FOXJ3: variants seen among roughly 807,000 people sequenced by gnomAD.
The protein encoded by FOXJ3 is forkhead box protein J3.
FOXJ3 carries 22 observed loss-of-function variants against 76.1 expected under a neutral mutation model. The ratio of observed to expected loss-of-function variants is 0.29; its 90% CI spans 0.21 to 0.41. The LOEUF (loss-of-function observed/expected upper bound fraction) is 0.41, where lower values mean the gene tolerates loss of function less well. Ranked by LOEUF, FOXJ3 falls within the 10% of genes least tolerant of loss-of-function variation. FOXJ3 has a pLI of 1.00. For missense variants in FOXJ3, 613 were observed against 762.1 expected (o/e 0.80, Z 2.30); for synonymous variants, 269 against 261.2 (o/e 1.03, Z -0.29).
Position 42,177,262 on chromosome 1 carries a change from A to G in FOXJ3, c.*2448T>C, listed in dbSNP as rs1338414392. On this transcript the variant is annotated 3_prime_UTR_variant, in exon 13 of 13. Transcript: ENST00000361346. ...CTCCATGGCCATTCTTGCTAAGTTT[A>G]AATTCTCATAAAAATATTCATCACT... 2 of 152,662 alleles carry G rather than the reference A, an allele frequency of 1.3e-5. No homozygotes were observed. Among genetic ancestry groups the G allele is most frequent in the African/African-American group, 4.8e-5 (2 of 41,460 alleles). 9.5% of individuals were successfully genotyped at this position (152,662 alleles called of 1,614,324 possible).
At chr1:42,215,387 G>A (rs754283523) in intron 5 of FOXJ3, among the ~76,000 whole-genome samples, 4 of 151,872 alleles carry the variant, frequency 2.6e-5, no homozygotes, top group Non-Finnish European at 4.4e-5. Context: ...AATAAGTAAA[G>A]AATCAGTAAA....
intron 1 of FOXJ3, 145 bp downstream of exon 1, chr1:42,334,914 C>A (rs895654506): frequency 1.3e-5 from 2 of 152,278 alleles, no homozygotes; most frequent in African/African-American, 2.4e-5. Context: ...CCTGCCCCAC[C>A]CGCCGCCCAC....
chr1:42,312,931 C>T (rs1211713043), intron 1 of FOXJ3, among the ~76,000 whole-genome samples: 1 of 152,178 alleles, frequency 6.6e-6, no homozygotes, highest in Middle Eastern at 3.2e-3. Context: ...ACTTTTTTAA[C>T]CACAGCACTT....
chr1:42,194,036 G>C (rs978164248), intron 8 of FOXJ3, among the ~76,000 whole-genome samples: 1 of 152,132 alleles, frequency 6.6e-6, no homozygotes, highest in Non-Finnish European at 1.5e-5. Flanking sequence ...CTGGTTCCTT[G>C]ATCTTGAACT....
chr1:42,317,972 CTG>C (rs1655220109), intron 1 of FOXJ3, among the ~76,000 whole-genome samples: 1 of 152,146 alleles, frequency 6.6e-6, no homozygotes, highest in South Asian at 2.1e-4. Flanking sequence ...GTTTCATTCT[CTG>C]TTATATTCCC....
intron 2 of FOXJ3, among the ~76,000 whole-genome samples, chr1:42,304,674 G>A (rs2124741512): frequency 6.6e-6 from 1 of 152,212 alleles, no homozygotes; most frequent in South Asian, 2.1e-4. Flanking sequence ...CAAGGTGCTG[G>A]GAAAACTGGA....
intron 1 of FOXJ3, 53 bp from the exon 2 acceptor site, chr1:42,311,163 T>C (rs868443752): frequency 8.9e-7 from 1 of 1,118,878 alleles, no homozygotes; most frequent in Non-Finnish European, 1.3e-6. Context: ...AATTAAACCA[T>C]AAGTCTCACT....
chr1:42,270,486 A>T (rs1192322521), intron 3 of FOXJ3, among the ~76,000 whole-genome samples: 1 of 152,202 alleles, frequency 6.6e-6, no homozygotes, highest in Non-Finnish European at 1.5e-5. Context: ...GAATGTAAAA[A>T]CACTGAGATA....
chr1:42,218,618 T>C (rs2124405058), intron 5 of FOXJ3, among the ~76,000 whole-genome samples: 1 of 152,334 alleles, frequency 6.6e-6, no homozygotes, highest in Middle Eastern at 3.4e-3. Flanking sequence ...AACTGATCTT[T>C]TGCCCTTGTT....
At chr1:42,208,176 C>T (rs1398627108) in intron 5 of FOXJ3, among the ~76,000 whole-genome samples, 4 of 152,232 alleles carry the variant, frequency 2.6e-5, no homozygotes, top group Non-Finnish European at 5.9e-5. Context: ...ATGTAAAGCG[C>T]TTAGCATGGT....
At chr1:42,315,856 A>G (rs967563439) in intron 1 of FOXJ3, among the ~76,000 whole-genome samples, 1 of 152,242 alleles carries the variant, frequency 6.6e-6, no homozygotes, top group African/African-American at 2.4e-5. Flanking sequence ...TACAGCATAA[A>G]TCTCCAAATC....
intron 4 of FOXJ3, among the ~76,000 whole-genome samples, chr1:42,254,020 A>C (rs1650351592): frequency 1.3e-5 from 2 of 151,498 alleles, no homozygotes; most frequent in Non-Finnish European, 3.0e-5. Context: ...ATCAGAGTGA[A>C]CAGGCAACCT....
chr1:42,196,004 T>C (rs1298516682), intron 7 of FOXJ3, among the ~76,000 whole-genome samples: 1 of 152,242 alleles, frequency 6.6e-6, no homozygotes, highest in Non-Finnish European at 1.5e-5. Context: ...TCTACCTTTC[T>C]ATTTTGCCAG....
At chr1:42,248,028 G>A (rs550695687) in intron 4 of FOXJ3, among the ~76,000 whole-genome samples, 2 of 152,290 alleles carry the variant, frequency 1.3e-5, no homozygotes, top group South Asian at 4.1e-4. Context: ...TTATATGAAT[G>A]TCCAAAATAG....
intron 4 of FOXJ3, among the ~76,000 whole-genome samples, chr1:42,260,235 A>G (rs1650930237): frequency 6.6e-6 from 1 of 152,110 alleles, no homozygotes; most frequent in Non-Finnish European, 1.5e-5. Context: ...GTTTTTCTAC[A>G]TATTTTTTAA....
In FOXJ3 at chr1:42,178,615, T is replaced by C. The variant is rs956797106; in HGVS notation, c.*1095A>G. ...GCCCAGGCAACATGGTGAAACCCCA[T>C]CTCTACTAAAATACAAAAAATCAGC... On this transcript the variant is annotated 3_prime_UTR_variant, in exon 13 of 13. Transcript: ENST00000361346. 6.6e-6 allele frequency: 1 copy of C among 152,098 alleles called. No homozygotes were observed. The highest frequency in any genetic ancestry group is 2.4e-5 in the African/African-American group (1 of 41,400). 9.4% of individuals were successfully genotyped at this position (152,098 alleles called of 1,614,324 possible).
chr1:42,228,973 G>C (rs999209780), intron 4 of FOXJ3, among the ~76,000 whole-genome samples: 1 of 152,028 alleles, frequency 6.6e-6, no homozygotes, highest in Non-Finnish European at 1.5e-5. Flanking sequence ...TAACAATGAG[G>C]GGAAATACAA....
intron 2 of FOXJ3, among the ~76,000 whole-genome samples, chr1:42,294,406 T>C (rs367953385): frequency 3.3e-5 from 5 of 152,068 alleles, no homozygotes; most frequent in African/African-American, 4.8e-5. Context: ...CTAAATTTTC[T>C]CCCCCAGGAT....
At chr1:42,241,410 C>T (rs1649131867) in intron 4 of FOXJ3, among the ~76,000 whole-genome samples, 1 of 152,200 alleles carries the variant, frequency 6.6e-6, no homozygotes, top group Admixed American at 6.5e-5. Context: ...GGGATCACCC[C>T]CACTTTGCCC....
Sources: allele counts gnomAD v4.1 joint callset (sites outside exome capture counted in the v4.1 genomes callset), GRCh38; gene constraint gnomAD v4.1.1; transcripts MANE v1.5; gene names NCBI Gene and HGNC (gene_info 2026-07-23, HGNC 2026-07-21).